PLEKHG7: variants seen among roughly 807,000 people sequenced by gnomAD.
The protein encoded by PLEKHG7 is pleckstrin homology and RhoGEF domain containing G7.
A neutral mutation model predicts 85.2 loss-of-function variants in PLEKHG7; 77 were observed. The observed-to-expected ratio is 0.90, with a 90% confidence interval of 0.75 to 1.09. The LOEUF (loss-of-function observed/expected upper bound fraction) is 1.09. Among genes scored for constraint, PLEKHG7 ranks in the 50% least tolerant of loss-of-function variants. The pLI is 0.00. For synonymous variants in PLEKHG7, 301 were observed against 302.4 expected (o/e 1.00, Z 0.05); for missense variants, 777 against 804.3 (o/e 0.97, Z 0.41).
chr12:92,703,531 G>T (rs188505589), intron 1 of PLEKHG7, among the ~76,000 whole-genome samples: 4 of 152,238 alleles, frequency 2.6e-5, no homozygotes, highest in African/African-American at 9.6e-5. Flanking sequence ...CAACAGGCCT[G>T]TGAGGGAGGT....
At chr12:92,761,883 T>C in intron 14 of PLEKHG7, 52 bp downstream of exon 14, 1 of 1,478,948 alleles carries the variant, frequency 6.8e-7, no homozygotes, top group South Asian at 1.4e-5. Context: ...GCTAAATGAG[T>C]TTAGAAATAT....
intron 10 of PLEKHG7, among the ~76,000 whole-genome samples, chr12:92,748,943 A>G (rs926591202): frequency 9.8e-5 from 15 of 152,286 alleles, no homozygotes; most frequent in Admixed American, 2.6e-4. Flanking sequence ...TTGTCTACAC[A>G]CTAACTCTGC....
chr12:92,723,778 C>A (rs559923038), intron 3 of PLEKHG7, among the ~76,000 whole-genome samples: 1 of 152,234 alleles, frequency 6.6e-6, no homozygotes, highest in South Asian at 2.1e-4. Context: ...AAGCATGGAA[C>A]AGAAACACAG....
In PLEKHG7 at chr12:92,729,121, G is replaced by A. The variant is rs1395218273; in HGVS notation, c.658+1G>A. ...CATCCACTTCTGCTGCTGAATTCAG[G>A]TTCTGTTCATTCAGTATACTTTCAT... On this transcript the variant is annotated splice_donor_variant, in intron 4 of 16. Coordinates refer to ENST00000344636, the MANE Select transcript of PLEKHG7 (RefSeq NM_001377329.1). LOFTEE classifies it high-confidence loss of function. 1.9e-5 allele frequency: 23 copies of A among 1,231,624 alleles called. No homozygotes were observed. The highest frequency in any genetic ancestry group is 2.3e-5 in the Non-Finnish European group (23 of 987,712). The allele number at this position is 1,231,624 out of a possible 1,614,324, so 76.3% of individuals were successfully genotyped here.
chr12:92,754,149 A>G lies in PLEKHG7; in HGVS notation c.1311A>G (p.Pro437=), dbSNP rs1270879897. The change falls in exon 11 of 17, where the codon CCA becomes CCG. Residue 437 remains proline, a synonymous_variant. Coordinates refer to ENST00000344636, the MANE Select transcript of PLEKHG7 (RefSeq NM_001377329.1). ...ACGTGCCAGAGCTGCTAGTGGCCCC[A>G]CTACAGAGGCTCACTCGATATCCGT... is the stretch of plus-strand genomic sequence containing the variant. ...RLHVPELLVA[P]LQRLTRYPLL... The G allele has an allele frequency of 3.7e-6, 6 of 1,613,910 alleles. No individual in the cohort carries two copies. Among genetic ancestry groups the G allele is most frequent in the Non-Finnish European group, 5.1e-6 (6 of 1,179,948 alleles).
chr12:92,711,974 G>A (rs1871375541), intron 3 of PLEKHG7, among the ~76,000 whole-genome samples: 1 of 152,214 alleles, frequency 6.6e-6, no homozygotes. Flanking sequence ...TTGGTTTGAG[G>A]AGGGGCCAAA....
At chr12:92,769,811 A>G (rs1380270569) in intron 16 of PLEKHG7, among the ~76,000 whole-genome samples, 1 of 152,162 alleles carries the variant, frequency 6.6e-6, no homozygotes, top group Non-Finnish European at 1.5e-5. Context: ...TCATTTTTCT[A>G]ATGAGTTATC....
At chr12:92,707,822 G>A (rs1278442955) in intron 3 of PLEKHG7, 150 bp downstream of exon 3, 6 of 1,345,692 alleles carry the variant, frequency 4.5e-6, no homozygotes, top group Middle Eastern at 3.8e-4. Flanking sequence ...GCATTTATAG[G>A]TGCACGAGTT....
intron 9 of PLEKHG7, among the ~76,000 whole-genome samples, chr12:92,743,350 G>A (rs1243480758): frequency 6.6e-6 from 1 of 152,188 alleles, no homozygotes; most frequent in South Asian, 2.1e-4. Context: ...CCCAAGAAGA[G>A]CAAAGAGATA....
At chr12:92,732,363 T>G in intron 5 of PLEKHG7, 90 bp downstream of exon 5, 3 of 776,968 alleles carry the variant, frequency 3.9e-6, no homozygotes, top group Non-Finnish European at 5.2e-6. Flanking sequence ...TCATTCTGCT[T>G]TATCTTTGTA....
chr12:92,727,615 G>A (rs968317271), intron 3 of PLEKHG7, among the ~76,000 whole-genome samples: 3 of 151,678 alleles, frequency 2.0e-5, no homozygotes, highest in Non-Finnish European at 4.4e-5. Flanking sequence ...TCCAGACAGA[G>A]TTTCGCTCTT....
At chr12:92,759,290 T>A (rs772444076) in intron 13 of PLEKHG7, among the ~76,000 whole-genome samples, 7 of 152,216 alleles carry the variant, frequency 4.6e-5, no homozygotes, top group Admixed American at 2.0e-4. Flanking sequence ...CTGGAATACG[T>A]AGAAGGTGTG....
chr12:92,723,840 G>A (rs1278172134), intron 3 of PLEKHG7, among the ~76,000 whole-genome samples: 1 of 152,074 alleles, frequency 6.6e-6, no homozygotes, highest in Non-Finnish European at 1.5e-5. Context: ...CCCAACAGTA[G>A]TTACACGCTC....
intron 3 of PLEKHG7, among the ~76,000 whole-genome samples, chr12:92,718,928 T>C (rs1039752086): frequency 6.6e-6 from 1 of 152,206 alleles, no homozygotes; most frequent in Non-Finnish European, 1.5e-5. Context: ...TTAAGAGGCA[T>C]CTCTGTTCTG....
chr12:92,740,643 C>G (rs758841230), intron 7 of PLEKHG7, among the ~76,000 whole-genome samples: 1 of 152,154 alleles, frequency 6.6e-6, no homozygotes, highest in Non-Finnish European at 1.5e-5. Context: ...GCAACCACAA[C>G]TTTCATACTG....
At chr12:92,737,691 GAAA>G (rs1208859531) in intron 7 of PLEKHG7, among the ~76,000 whole-genome samples, 170 bp downstream of exon 7, 6 of 133,164 alleles carry the variant, frequency 4.5e-5, no homozygotes, top group African/African-American at 1.8e-4. Context: ...GACAAGAAAA[GAAA>G]AAGAGAGAAA....
At position 92,707,443 on chromosome 12, in the gene PLEKHG7, C is replaced by G. The variant is rs1037283420; in HGVS notation, c.508-207C>G. ...GGTACCCGAGAGCAATGGGGGCCCT[C>G]TTGCAAATGCACACTATTTAAAGAC... On this transcript the variant is annotated intron_variant, in intron 2 of 16. Coordinates refer to ENST00000344636, the MANE Select transcript of PLEKHG7 (RefSeq NM_001377329.1). The G allele has an allele frequency of 1.5e-5, 22 of 1,432,956 alleles. No individual in the cohort carries two copies. In the African/African-American group the frequency reaches 2.9e-4, roughly 19 times the overall value. The allele number at this position is 1,432,956 out of a possible 1,614,324, so 88.8% of individuals were successfully genotyped here.
Position 92,714,027 on chromosome 12 carries a change from A to T in PLEKHG7, c.530+6355A>T, listed in dbSNP as rs11106680. Reference sequence around the variant, plus strand: ...GATTTCTGTTTATATAAATTAGAAAACTCAAGCAGTTATTTTCAAGTGTAG... The same window carrying T: ...GATTTCTGTTTATATAAATTAGAAATCTCAAGCAGTTATTTTCAAGTGTAG... On this transcript the variant is annotated intron_variant, in intron 3 of 16. Transcript: ENST00000344636. Among the ~76,000 whole-genome samples the T allele has an allele frequency of 9.6e-4, 146 of 152,080 alleles. 3 individuals are homozygous for T. The East Asian group carries it at 0.026, about 27-fold the overall frequency.
intron 9 of PLEKHG7, 80 bp from the exon 10 acceptor site, chr12:92,745,398 A>C: frequency 1.1e-6 from 1 of 940,224 alleles, no homozygotes. Flanking sequence ...TAATGATAAA[A>C]GTGAGGAGAA....
Sources: gnomAD v4.1 joint callset for allele counts (sites outside exome capture counted in the v4.1 genomes callset) on GRCh38, gnomAD v4.1.1 for gene constraint, MANE v1.5 for transcripts, NCBI Gene and HGNC (gene_info 2026-07-23, HGNC 2026-07-21) for gene names.